Variants in UBE3B observed in about 807,000 individuals in gnomAD.
UBE3B encodes the protein ubiquitin-protein ligase E3B.
Under a neutral mutation model 132.3 loss-of-function variants are expected in UBE3B, and 80 were observed. The observed-to-expected ratio is 0.60, with a 90% CI of 0.50 to 0.73. The LOEUF is 0.73. Among genes scored for constraint, UBE3B ranks in the 30% least tolerant of loss-of-function variants. UBE3B has a pLI of 0.00. For missense variants in UBE3B, 1,196 were observed against 1,362.5 expected (o/e 0.88, Z 1.92); for synonymous variants, 487 against 520.4 (o/e 0.94, Z 0.87).
At chr12:109,526,735 G>A (rs1411636565) in intron 24 of UBE3B, among the ~76,000 whole-genome samples, 1 of 152,138 alleles carries the variant, frequency 6.6e-6, no homozygotes, top group East Asian at 1.9e-4. Context: ...GCTGGGCGTG[G>A]TGGCTCATGC....
In UBE3B at chr12:109,483,713, G is replaced by T; in HGVS notation, c.161+1G>T. On this transcript the variant is annotated splice_donor_variant, in intron 3 of 27. Coordinates refer to ENST00000342494, the MANE Select transcript of UBE3B (RefSeq NM_130466.4). LOFTEE classifies it high-confidence loss of function. ...GGAGTCGACTGCAGAGAGATATCAG[G>T]TAAGGGCTAGGATCTCCCTAGCACA... is the stretch of plus-strand genomic sequence containing the variant. 6.3e-7 allele frequency: 1 copy of T among 1,598,948 alleles called. No homozygotes were observed. Among genetic ancestry groups the T allele is most frequent in the Non-Finnish European group, 8.5e-7 (1 of 1,173,620 alleles).
At chr12:109,491,966 A>T (rs1191946381) in intron 9 of UBE3B, 2 of 152,250 alleles carry the variant, frequency 1.3e-5, no homozygotes, top group Non-Finnish European at 2.9e-5. Flanking sequence ...ATCATTTTCC[A>T]TGGAAAACCT....
At chr12:109,540,145 C>T (rs1883581406), downstream of UBE3B, among the ~76,000 whole-genome samples, 1 of 152,106 alleles carries the variant, frequency 6.6e-6, no homozygotes, top group South Asian at 2.1e-4. Context: ...CTTGGCTGCC[C>T]CAGGCCCTGA....
chr12:109,525,842 C>T lies in UBE3B; in HGVS notation c.2569-516C>T, dbSNP rs150529761. Among the ~76,000 whole-genome samples, 69 of 152,056 alleles carry T rather than the reference C, an allele frequency of 4.5e-4. No individual in the cohort carries two copies. In the East Asian group the frequency reaches 8.5e-3, roughly 19 times the overall value. Reference sequence around the variant, plus strand: ...CTCTAATATGAGCAAAAGATGAAAACGCAAGCTGCCCGTAATGCCAGTGCC... The same window carrying T: ...CTCTAATATGAGCAAAAGATGAAAATGCAAGCTGCCCGTAATGCCAGTGCC... On this transcript the variant is annotated intron_variant, in intron 23 of 27. Coordinates refer to ENST00000342494, the MANE Select transcript of UBE3B (RefSeq NM_130466.4).
rs142366180 is a variant in UBE3B, at chr12:109,499,907, A to G, written c.1118+97A>G. The G allele has an allele frequency of 6.5e-5, 75 of 1,159,436 alleles. No individual in the cohort carries two copies. The African/African-American group carries it at 1.1e-3, about 17-fold the overall frequency. The allele number at this position is 1,159,436 out of a possible 1,614,324, so 71.8% of individuals were successfully genotyped here. On this transcript the variant is annotated intron_variant, in intron 12 of 27. Coordinates refer to ENST00000342494, the MANE Select transcript of UBE3B (RefSeq NM_130466.4). ...TCCAGCTTGTGGTGTTTTGTTTCTT[A>G]TTATAAAAATAATATGTATTCATTA...
In UBE3B at chr12:109,534,623, G is replaced by A. The variant is rs1329602367; in HGVS notation, c.3048G>A (p.Arg1016=). Residue 1016 remains arginine, a synonymous_variant, in exon 28 of 28, where the codon CGG becomes CGA. Transcript: ENST00000342494. This position sits in a 1 kb window ranked among gnomAD's most constrained non-coding sequence, Gnocchi z 5.2. ...DTGDTLGSVL[R]GFFTIRKREP... is the part of the protein sequence containing the mutation. ...GGGACACTCTGGGCAGCGTCCTCCG[G>A]GGCTTCTTCACCATCCGCAAGCGGG... 1.9e-6 allele frequency: 3 copies of A among 1,611,240 alleles called. No homozygotes were observed. Among genetic ancestry groups the A allele is most frequent in the Non-Finnish European group, 2.5e-6 (3 of 1,178,736 alleles).
Position 109,507,628 on chromosome 12 carries a change from C to T in UBE3B, c.1515C>T (p.His505=), listed in dbSNP as rs114187931. Residue 505 remains histidine, a synonymous_variant, in exon 15 of 28, where the codon CAC becomes CAT. Transcript: ENST00000342494. Reference sequence around the variant, plus strand: ...CATTTATCTGTGAGCTCGGGCCCCACGGAGGGTTAAAGCTCTTCTTGGAAT... The same window carrying T: ...CATTTATCTGTGAGCTCGGGCCCCATGGAGGGTTAAAGCTCTTCTTGGAAT... ...LWAFICELGP[H]GGLKLFLECL... is the part of the protein sequence containing the mutation. 1,855 of 1,614,070 alleles carry T rather than the reference C, an allele frequency of 1.1e-3. 25 individuals are homozygous for T. In the African/African-American group the frequency reaches 0.022, roughly 19 times the overall value.
At chr12:109,524,306 C>A in intron 22 of UBE3B, 132 bp from the exon 23 acceptor site, 1 of 1,378,892 alleles carries the variant, frequency 7.3e-7, no homozygotes. Context: ...TCACGAATGA[C>A]TTTCTTTGCG....
At position 109,530,047 on chromosome 12, in the gene UBE3B, G is replaced by T. The variant is rs141709807; in HGVS notation, c.2785G>T (p.Ala929Ser). The change falls in exon 25 of 28, where the codon GCT (alanine) becomes TCT (serine). Residue 929 changes from alanine to serine, a missense_variant. Physicochemically the swap from Ala to Ser is moderately conservative, Grantham distance 99. Transcript: ENST00000342494. ...ELQRLISGDNAEIDLEDLKKH... is the reference protein window; with the variant it reads ...ELQRLISGDNSEIDLEDLKKH... ...GCAGCGTCTCATCTCTGGCGACAAT[G>T]CTGAGATTGATCTGGAAGATTTAAA... 7.9e-5 allele frequency: 127 copies of T among 1,614,002 alleles called. No individual in the cohort carries two copies. The highest frequency in any genetic ancestry group is 6.0e-4 in the Admixed American group (36 of 59,996).
At chr12:109,519,480 G>A (rs1881448790) in intron 19 of UBE3B, 1 of 152,238 alleles carries the variant, frequency 6.6e-6, no homozygotes, top group Non-Finnish European at 1.5e-5. Context: ...CGCTCCTTGA[G>A]CTAGGCCATG....
At chr12:109,513,960 C>T (rs940191245) in intron 18 of UBE3B, among the ~76,000 whole-genome samples, 2 of 152,170 alleles carry the variant, frequency 1.3e-5, no homozygotes, top group African/African-American at 4.8e-5. Flanking sequence ...CTGGAGTACA[C>T]AGGAGGGTAA....
chr12:109,501,510 C>A lies in UBE3B; in HGVS notation c.1258C>A (p.Pro420Thr). The A allele has an allele frequency of 6.2e-7, 1 of 1,614,006 alleles. No individual in the cohort carries two copies. The highest frequency in any genetic ancestry group is 8.5e-7 in the Non-Finnish European group (1 of 1,179,964). Residue 420 changes from proline (P) to threonine (T), a missense_variant, in exon 13 of 28, where the codon CCT becomes ACT. Physicochemically the swap from Pro to Thr is conservative, Grantham distance 38. Coordinates refer to ENST00000342494, the MANE Select transcript of UBE3B (RefSeq NM_130466.4). The part of the protein sequence containing the change: ...QEPAHAQPAS[P>T]QNVLPVKSLL... ...GCCAGCCCACGCACAGCCAGCATCC[C>A]CTCAGAATGTGCTCCCAGTGAAGAG...
intron 19 of UBE3B, among the ~76,000 whole-genome samples, chr12:109,518,663 A>G (rs1209119856): frequency 1.3e-5 from 2 of 152,186 alleles, no homozygotes; most frequent in Admixed American, 1.3e-4. Context: ...AGATTGCAGT[A>G]TCTCCTGAGA....
the UBE3B span, among the ~76,000 whole-genome samples, chr12:109,543,354 G>A: frequency 1.0e-4 from 14 of 139,288 alleles, no homozygotes; most frequent in South Asian, 3.1e-3. Flanking sequence ...ACAGGCTCCA[G>A]GGGAGTGGCT....
Position 109,534,348 on chromosome 12 carries a change from C to T in UBE3B, c.3016-243C>T, listed in dbSNP as rs1883254434. On this transcript the variant is annotated intron_variant, in intron 27 of 27. Transcript: ENST00000342494. This position sits in a 1 kb window ranked among gnomAD's most constrained non-coding sequence, Gnocchi z 5.2. ...GCTGTGAACCGGAAGGCCCCATTTC[C>T]AAAAGCTTACTTAGTGCAGGAATTC... 1.4e-6 allele frequency: 2 copies of T among 1,413,284 alleles called. No individual in the cohort carries two copies. The highest frequency in any genetic ancestry group is 3.2e-5 in the South Asian group (2 of 62,302). 87.5% of individuals were successfully genotyped at this position (1,413,284 alleles called of 1,614,324 possible). A position where few individuals can be genotyped will look rare whatever the true frequency, so the allele number is the denominator to read the frequency against.
intron 8 of UBE3B, 79 bp from the exon 9 acceptor site, chr12:109,490,966 G>C (rs1877375335): frequency 6.8e-7 from 1 of 1,465,186 alleles, no homozygotes; most frequent in Non-Finnish European, 9.4e-7. Context: ...GAAGCACTCA[G>C]TTTACTTTTT....
chr12:109,528,835 A>T (rs1882646114), intron 24 of UBE3B, among the ~76,000 whole-genome samples: 1 of 148,780 alleles, frequency 6.7e-6, no homozygotes, highest in Admixed American at 6.7e-5. Context: ...GGCGACAAGA[A>T]TGAAACTCCA....
intron 26 of UBE3B, 71 bp downstream of exon 26, chr12:109,530,729 T>C (rs370825092): frequency 6.9e-7 from 1 of 1,452,358 alleles, no homozygotes. Context: ...GATGTAATAA[T>C]TTACGCTGAA....
chr12:109,499,417 T>A (rs922964938), intron 11 of UBE3B, among the ~76,000 whole-genome samples: 5 of 152,240 alleles, frequency 3.3e-5, no homozygotes, highest in African/African-American at 1.2e-4. Flanking sequence ...CGGCCACGGC[T>A]CACCTTGTCT....
Sources: allele counts gnomAD v4.1 joint callset (sites outside exome capture counted in the v4.1 genomes callset), GRCh38; gene constraint gnomAD v4.1.1; non-coding constraint Gnocchi (gnomAD v3.1); transcripts MANE v1.5; gene names NCBI Gene and HGNC (gene_info 2026-07-23, HGNC 2026-07-21).